Variants in HNRNPUL2 observed in about 807,000 individuals in gnomAD.
HNRNPUL2 encodes the protein heterogeneous nuclear ribonucleoprotein U-like protein 2.
A neutral mutation model predicts 102.2 loss-of-function variants in HNRNPUL2; 27 were observed. The observed-to-expected ratio is 0.26, with a 90% CI of 0.19 to 0.36. The LOEUF (loss-of-function observed/expected upper bound fraction) is 0.36. HNRNPUL2 is among the 10% of genes least tolerant of loss of function. HNRNPUL2 has a pLI of 1.00. For synonymous variants in HNRNPUL2, 458 were observed against 387.2 expected, an observed-to-expected ratio of 1.18 and a Z score of -2.15; for missense variants, 936 against 981.1, an observed-to-expected ratio of 0.95 and a Z score of 0.61.
intron 10 of HNRNPUL2, among the ~76,000 whole-genome samples, chr11:62,719,663 C>T (rs1275668764): frequency 6.6e-6 from 1 of 152,126 alleles, no homozygotes; most frequent in Non-Finnish European, 1.5e-5. Context: ...TAGCCCACTG[C>T]TATGGTTTGA....
chr11:62,726,188 C>T (rs2083744506), intron 1 of HNRNPUL2, among the ~76,000 whole-genome samples: 1 of 152,150 alleles, frequency 6.6e-6, no homozygotes, highest in African/African-American at 2.4e-5. Context: ...TGACGGACTT[C>T]GATTTTTGCT....
chr11:62,724,269 C>T lies in HNRNPUL2; in HGVS notation c.674+22G>A, dbSNP rs373756134. On this transcript the variant is annotated intron_variant, in intron 2 of 13. Transcript: ENST00000301785. ...AAATCAGAGCAGACACTCCCTTCAACGAAAGGGACTGTTTCCCTCACCGGC... is the reference window on the plus strand; with the variant it reads ...AAATCAGAGCAGACACTCCCTTCAATGAAAGGGACTGTTTCCCTCACCGGC... 19 of 1,613,628 alleles carry T rather than the reference C, an allele frequency of 1.2e-5. No individual in the cohort carries two copies. In the African/African-American group the frequency reaches 1.7e-4, roughly 15 times the overall value.
In HNRNPUL2 at chr11:62,727,239, G is replaced by T; in HGVS notation, c.-83C>A. On this transcript the variant is annotated 5_prime_UTR_variant, in exon 1 of 14. Coordinates refer to ENST00000301785, the MANE Select transcript of HNRNPUL2 (RefSeq NM_001079559.3). ...GTCCGACCGCGCAGGCGCCGCCGCC[G>T]CCGCCCGCCTCCGCCTCACGCGCCA... The T allele has an allele frequency of 7.7e-7, 1 of 1,301,614 alleles. No individual in the cohort carries two copies. The highest frequency in any genetic ancestry group is 9.7e-7 in the Non-Finnish European group (1 of 1,028,714). The allele number at this position is 1,301,614 out of a possible 1,614,324, so 80.6% of individuals were successfully genotyped here.
At position 62,713,614 on chromosome 11, in the gene HNRNPUL2, T is replaced by TA. The variant is rs895788490; in HGVS notation, c.*1684dup. 5 of 152,182 alleles carry TA rather than the reference T, an allele frequency of 3.3e-5. No individual in the cohort carries two copies. The highest frequency in any genetic ancestry group is 1.2e-4 in the African/African-American group (5 of 41,426). 9.4% of individuals were successfully genotyped at this position (152,182 alleles called of 1,614,324 possible). On this transcript the variant is annotated 3_prime_UTR_variant, in exon 14 of 14. Coordinates refer to ENST00000301785, the MANE Select transcript of HNRNPUL2 (RefSeq NM_001079559.3). ...GGTGTGTCATGACAGACAAGGACAC[T>TA]AGAGGCCAGAATAAGGGTCTGTACA...
In HNRNPUL2 at chr11:62,715,593, G is replaced by A; in HGVS notation, c.2070C>T (p.Phe690=). Residue 690 remains phenylalanine, a synonymous_variant, in exon 13 of 14, where the codon TTC becomes TTT. Transcript: ENST00000301785. ...QPGNRGGYRN[F]YDRYRGDYDR... ...CATAGTCTCCCCTGTATCGATCATA[G>A]AAATTACGGTAACCCTGAGAAAGGA... 1 of 1,612,594 alleles carries A rather than the reference G, an allele frequency of 6.2e-7. No homozygotes were observed. The highest frequency in any genetic ancestry group is 8.5e-7 in the Non-Finnish European group (1 of 1,178,766).
intron 9 of HNRNPUL2, among the ~76,000 whole-genome samples, chr11:62,720,863 C>CAAAA (rs10615770): frequency 2.1e-4 from 16 of 77,280 alleles, no homozygotes; most frequent in East Asian, 8.1e-4. Context: ...GACTCGGTCT[C>CAAAA]AAAAAAAAAA....
In HNRNPUL2 at chr11:62,722,622, A is replaced by G. The variant is rs1304809505; in HGVS notation, c.1074T>C (p.Asn358=). 31 of 1,613,790 alleles carry G rather than the reference A, an allele frequency of 1.9e-5. No homozygotes were observed. The highest frequency in any genetic ancestry group is 2.6e-5 in the Non-Finnish European group (31 of 1,179,798). The part of the protein sequence containing the change: ...FEEFGQTFGE[N]DVIGCFANFE... ...TTACAGCAAAGCAGCCAATAACATC[A>G]TTCTCCCCAAAAGTCTGGCCAAATT... The change falls in exon 6 of 14, where the codon AAT becomes AAC. Residue 358 remains asparagine, a synonymous_variant. Transcript: ENST00000301785.
At chr11:62,723,333 A>C (rs1355450133) in intron 4 of HNRNPUL2, among the ~76,000 whole-genome samples, 3 of 152,182 alleles carry the variant, frequency 2.0e-5, no homozygotes, top group Non-Finnish European at 4.4e-5. Flanking sequence ...CTCTACTAAG[A>C]ATACAAAATT....
At chr11:62,722,083 T>C in intron 7 of HNRNPUL2, 34 bp downstream of exon 7, 1 of 1,607,836 alleles carries the variant, frequency 6.2e-7, no homozygotes, top group Non-Finnish European at 8.5e-7. Context: ...CTGCAAAGCA[T>C]ACAACCTCAG....
chr11:62,721,352 G>A lies in HNRNPUL2; in HGVS notation c.1554C>T (p.Cys518=). 6.2e-7 allele frequency: 1 copy of A among 1,610,190 alleles called. No individual in the cohort carries two copies. The highest frequency in any genetic ancestry group is 8.5e-7 in the Non-Finnish European group (1 of 1,178,608). Residue 518 remains cysteine, a synonymous_variant, in exon 9 of 14, where the codon TGC becomes TGT. Transcript: ENST00000301785. Reference sequence around the variant, plus strand: ...AAGCAATCTGGACCAGCTTACTAAGGCACTGGGAGGCTTGCTGAACTAAAA... The same window carrying A: ...AAGCAATCTGGACCAGCTTACTAAGACACTGGGAGGCTTGCTGAACTAAAA... ...RDLLVQQASQ[C]LSKLVQIASR...
At position 62,714,502 on chromosome 11, in the gene HNRNPUL2, G is replaced by A. The variant is rs1340680786; in HGVS notation, c.*797C>T. 6.6e-6 allele frequency: 1 copy of A among 152,134 alleles called. No individual in the cohort carries two copies. The highest frequency in any genetic ancestry group is 1.5e-5 in the Non-Finnish European group (1 of 68,026). 9.4% of individuals were successfully genotyped at this position (152,134 alleles called of 1,614,324 possible). A position where few individuals can be genotyped will look rare whatever the true frequency, so the allele number is the denominator to read the frequency against. ...AGGGCTGCAATCCCATTCTCCCCAA[G>A]ATTTTACAGGAATTAATCAATGGGT... On this transcript the variant is annotated 3_prime_UTR_variant, in exon 14 of 14. Transcript: ENST00000301785.
At chr11:62,718,134 T>C (rs1271925880) in intron 10 of HNRNPUL2, among the ~76,000 whole-genome samples, 1 of 152,088 alleles carries the variant, frequency 6.6e-6, no homozygotes, top group Non-Finnish European at 1.5e-5. Flanking sequence ...GCCTGGGGAT[T>C]ATCAGTATTT....
chr11:62,722,775 A>G, intron 5 of HNRNPUL2, 38 bp downstream of exon 5: 1 of 1,605,186 alleles, frequency 6.2e-7, no homozygotes, highest in Non-Finnish European at 8.5e-7. Context: ...GCAATATGGT[A>G]GTAAACACTA....
At position 62,726,678 on chromosome 11, in the gene HNRNPUL2, C is replaced by T. The variant is rs561866469; in HGVS notation, c.479G>A (p.Arg160Gln). 65 of 1,599,912 alleles carry T rather than the reference C, an allele frequency of 4.1e-5. No individual in the cohort carries two copies. Among genetic ancestry groups the T allele is most frequent in the Non-Finnish European group, 5.3e-5 (62 of 1,179,420 alleles). The change falls in exon 1 of 14, where the codon CGG (arginine) becomes CAG (glutamine). Residue 160 changes from arginine (R) to glutamine (Q), a missense_variant. This residue lies in a region of HNRNPUL2 where 327 missense variants were observed against 268.1 expected (regional missense o/e 1.22). Coordinates refer to ENST00000301785, the MANE Select transcript of HNRNPUL2 (RefSeq NM_001079559.3). Reference sequence around the variant, plus strand: ...GGATCCCGGCGTCTCGTCCCCGCTCCGCTCCTCGGGTTCGTCTTCCTCCCT... The same window carrying T: ...GGATCCCGGCGTCTCGTCCCCGCTCTGCTCCTCGGGTTCGTCTTCCTCCCT... ...GKREEDEPEE[R>Q]SGDETPGSEV...
intron 10 of HNRNPUL2, among the ~76,000 whole-genome samples, 194 bp downstream of exon 10, chr11:62,719,829 T>G (rs2134774191): frequency 6.6e-6 from 1 of 152,272 alleles, no homozygotes; most frequent in African/African-American, 2.4e-5. Flanking sequence ...AAAAGCAAGT[T>G]CTCTCACATG....
chr11:62,727,380 A>G lies in HNRNPUL2; in HGVS notation c.-224T>C, dbSNP rs1010656130. On this transcript the variant is annotated 5_prime_UTR_variant, in exon 1 of 14. Transcript: ENST00000301785. The stretch of plus-strand genomic sequence containing the variant: ...CTCCCCCTTTCGGCTCACGGAGCCC[A>G]AAACAACGCAGCAGGGAGCTGTTTC... 4.2e-6 allele frequency: 2 copies of G among 473,590 alleles called. No individual in the cohort carries two copies. The highest frequency in any genetic ancestry group is 4.1e-5 in the African/African-American group (2 of 48,770). The allele number at this position is 473,590 out of a possible 1,614,324, so 29.3% of individuals were successfully genotyped here. A position where few individuals can be genotyped will look rare whatever the true frequency, so the allele number is the denominator to read the frequency against.
chr11:62,723,826 A>G (rs1047423663), intron 3 of HNRNPUL2, 88 bp downstream of exon 3: 2 of 1,596,128 alleles, frequency 1.3e-6, no homozygotes, highest in Admixed American at 1.7e-5. Context: ...ACAAAGTCTC[A>G]TAGAATTTAT....
intron 9 of HNRNPUL2, 111 bp from the exon 10 acceptor site, chr11:62,720,302 T>G: frequency 1.0e-6 from 1 of 1,003,566 alleles, no homozygotes; most frequent in Non-Finnish European, 1.5e-6. Context: ...TCCTAGCACT[T>G]TGGGAGGCCG....
Position 62,717,189 on chromosome 11 carries a change from G to T in HNRNPUL2, c.1781C>A (p.Ala594Asp). 1 of 1,612,978 alleles carries T rather than the reference G, an allele frequency of 6.2e-7. No homozygotes were observed. The change falls in exon 11 of 14, where the codon GCC (alanine) becomes GAC (aspartate). Residue 594 changes from alanine (A) to aspartate (D), a missense_variant and splice_region_variant. This residue lies in a region of HNRNPUL2 where 609 missense variants were observed against 713.0 expected (regional missense o/e 0.85). Coordinates refer to ENST00000301785, the MANE Select transcript of HNRNPUL2 (RefSeq NM_001079559.3). ...VPESIMLEMK[A>D]NFSLPEKCDY... is the part of the protein sequence containing the mutation. ...GCATTTTTCAGGCAAAGAGAAGTTG[G>T]CTATAAGAGTAAGAGAGAAGCTTGT...
Sources: gnomAD v4.1 joint callset for allele counts (sites outside exome capture counted in the v4.1 genomes callset) on GRCh38, gnomAD v4.1.1 for gene constraint, gnomAD v4.1.1 regional missense constraint, MANE v1.5 for transcripts, NCBI Gene and HGNC (gene_info 2026-07-23, HGNC 2026-07-21) for gene names.